The following SUGCT variants were observed in gnomAD, a reference collection of about 807,000 sequenced individuals.
SUGCT encodes the protein succinyl-CoA:glutarate-CoA transferase.
In SUGCT, 41 loss-of-function variants were observed where a neutral mutation model predicts 55.0. The ratio of observed to expected loss-of-function variants is 0.74; its 90% CI spans 0.58 to 0.97. The LOEUF (loss-of-function observed/expected upper bound fraction) is 0.97. SUGCT is among the 50% of genes least tolerant of loss of function. The pLI is 0.00. For synonymous variants in SUGCT, 187 were observed against 200.4 expected, an observed-to-expected ratio of 0.93 and a Z score of 0.56; for missense variants, 568 against 547.8, an observed-to-expected ratio of 1.04 and a Z score of -0.37.
At chr7:40,728,924 G>A (rs544153089) in intron 12 of SUGCT, among the ~76,000 whole-genome samples, 93 of 152,256 alleles carry the variant, frequency 6.1e-4, no homozygotes, top group African/African-American at 2.0e-3. Flanking sequence ...GCTCCTCAGT[G>A]TTTTGTAAGT....
At chr7:40,877,308 G>A in the SUGCT span, among the ~76,000 whole-genome samples, 1 of 152,256 alleles carries the variant, frequency 6.6e-6, no homozygotes, top group South Asian at 2.1e-4. Context: ...ACCAGAAATG[G>A]CATGTGATTT....
At chr7:40,173,614 A>G (rs938522212) in intron 1 of SUGCT, among the ~76,000 whole-genome samples, 3 of 151,970 alleles carry the variant, frequency 2.0e-5, no homozygotes, top group Admixed American at 6.6e-5. Flanking sequence ...TTTTAACCTA[A>G]TTGTATTTTA....
At chr7:40,431,381 C>T (rs1240718151) in intron 9 of SUGCT, among the ~76,000 whole-genome samples, 1 of 151,970 alleles carries the variant, frequency 6.6e-6, no homozygotes, top group African/African-American at 2.4e-5. Flanking sequence ...GTGATGCTTC[C>T]ACCTTTGTTT....
the SUGCT span, among the ~76,000 whole-genome samples, chr7:40,954,942 G>C: frequency 1.3e-5 from 2 of 152,104 alleles, no homozygotes; most frequent in African/African-American, 4.8e-5. Context: ...AAGAACAGAT[G>C]ATTGTAGATG....
chr7:40,757,343 G>A (rs1788307143), intron 13 of SUGCT, among the ~76,000 whole-genome samples: 1 of 152,204 alleles, frequency 6.6e-6, no homozygotes, highest in East Asian at 1.9e-4. Context: ...GCATGAGGAA[G>A]AAATATTTTG....
At chr7:40,656,554 GA>G (rs1269670524) in intron 12 of SUGCT, among the ~76,000 whole-genome samples, 2 of 152,124 alleles carry the variant, frequency 1.3e-5, no homozygotes, top group Non-Finnish European at 2.9e-5. Context: ...TTCCAGATGT[GA>G]AACTGATTCC....
At chr7:40,247,049 G>T (rs1469090988) in intron 7 of SUGCT, among the ~76,000 whole-genome samples, 1 of 152,102 alleles carries the variant, frequency 6.6e-6, no homozygotes, top group Non-Finnish European at 1.5e-5. Context: ...TGCCTTTTGT[G>T]AATAAAACTG....
At chr7:40,602,789 T>C (rs1464921313) in intron 12 of SUGCT, among the ~76,000 whole-genome samples, 1 of 152,194 alleles carries the variant, frequency 6.6e-6, no homozygotes, top group East Asian at 1.9e-4. Context: ...CATTTCTAGG[T>C]GTATGTACTA....
chr7:40,656,608 C>T (rs1012270473), intron 12 of SUGCT, among the ~76,000 whole-genome samples: 1 of 152,192 alleles, frequency 6.6e-6, no homozygotes, highest in Non-Finnish European at 1.5e-5. Flanking sequence ...AAACCTACTC[C>T]TTGACCTTTC....
At chr7:40,624,813 G>T (rs6964059) in intron 12 of SUGCT, among the ~76,000 whole-genome samples, 1 of 92,012 alleles carries the variant, frequency 1.1e-5, no homozygotes, top group African/African-American at 4.6e-5. Flanking sequence ...ACACACACAC[G>T]CACACCACAA....
chr7:40,631,099 C>T (rs1011575803), intron 12 of SUGCT, among the ~76,000 whole-genome samples: 2 of 152,122 alleles, frequency 1.3e-5, no homozygotes, highest in African/African-American at 2.4e-5. Context: ...TTCCTGTCTC[C>T]CTAACCCTGT....
intron 12 of SUGCT, among the ~76,000 whole-genome samples, chr7:40,531,244 A>G (rs2151594806): frequency 6.6e-6 from 1 of 152,312 alleles, no homozygotes; most frequent in East Asian, 1.9e-4. Context: ...GAGATCATGC[A>G]CTATCTAAAC....
At chr7:40,265,588 GTGTA>G (rs1044345074) in intron 7 of SUGCT, among the ~76,000 whole-genome samples, 2 of 151,880 alleles carry the variant, frequency 1.3e-5, no homozygotes, top group African/African-American at 2.4e-5. Context: ...TTCTTAAATT[GTGTA>G]TGTAAGTAAT....
chr7:40,792,328 A>G (rs1024832323), intron 13 of SUGCT, among the ~76,000 whole-genome samples: 2 of 152,090 alleles, frequency 1.3e-5, no homozygotes, highest in African/African-American at 4.8e-5. Context: ...GCACATCCCA[A>G]TCTTGTTCAC....
intron 12 of SUGCT, among the ~76,000 whole-genome samples, chr7:40,741,854 A>G (rs1282771672): frequency 6.6e-6 from 1 of 152,260 alleles, no homozygotes; most frequent in African/African-American, 2.4e-5. Flanking sequence ...ATTGAATTAA[A>G]TGTTATAAAT....
the SUGCT span, among the ~76,000 whole-genome samples, chr7:40,932,947 T>C: frequency 6.6e-6 from 1 of 152,174 alleles, no homozygotes; most frequent in Non-Finnish European, 1.5e-5. Flanking sequence ...AAGTTAATAT[T>C]GTTATGTGTG....
In SUGCT at chr7:40,439,070, A is replaced by ATATGTGTGTG. The variant is rs1554338605; in HGVS notation, c.817-10214_817-10213insGTGTGTGTAT. ...TATATGGTATATATATGGTGTATAT[A>ATATGTGTGTG]TATATATATATATATATATATATAT... On this transcript the variant is annotated intron_variant, in intron 9 of 13. Transcript: ENST00000335693. Among the ~76,000 whole-genome samples the ATATGTGTGTG allele has an allele frequency of 3.6e-3, 191 of 52,456 alleles. 17 individuals carry two copies. The highest frequency in any genetic ancestry group is 5.5e-3 in the Non-Finnish European group (153 of 27,962). The allele number at this position is 52,456 out of a possible 152,430, so 34.4% of individuals were successfully genotyped here.
chr7:40,463,284 G>A (rs1468289426), intron 11 of SUGCT, among the ~76,000 whole-genome samples: 1 of 152,158 alleles, frequency 6.6e-6, no homozygotes, highest in East Asian at 1.9e-4. Flanking sequence ...TGAACTCACT[G>A]TGTTTATTTT....
At chr7:40,343,812 ACG>A (rs1797175957) in intron 9 of SUGCT, among the ~76,000 whole-genome samples, 1 of 151,902 alleles carries the variant, frequency 6.6e-6, no homozygotes, top group African/African-American at 2.4e-5. Flanking sequence ...ACCCGCCACC[ACG>A]CCTGGCTAAT....
Sources: gnomAD v4.1 joint callset for allele counts (sites outside exome capture counted in the v4.1 genomes callset) on GRCh38, gnomAD v4.1.1 for gene constraint, MANE v1.5 for transcripts, NCBI Gene and HGNC (gene_info 2026-07-23, HGNC 2026-07-21) for gene names.